WDR43: variants seen among roughly 807,000 people sequenced by gnomAD.
WDR43 encodes WD repeat-containing protein 43.
WDR43 carries 13 observed loss-of-function variants against 91.4 expected under a neutral mutation model. The ratio of observed to expected loss-of-function variants is 0.14; its 90% CI spans 0.09 to 0.23. WDR43 has a LOEUF of 0.23. Ranked by LOEUF, WDR43 falls within the 10% of genes least tolerant of loss-of-function variation. The pLI is 1.00. For missense variants in WDR43, 780 were observed against 809.4 expected (o/e 0.96, Z 0.44); for synonymous variants, 331 against 287.9 (o/e 1.15, Z -1.51).
In WDR43 at chr2:28,894,886, C is replaced by T. The variant is rs1468943949; in HGVS notation, c.188C>T (p.Thr63Ile). The T allele has an allele frequency of 2.5e-6, 4 of 1,604,726 alleles. No individual in the cohort carries two copies. The highest frequency in any genetic ancestry group is 1.1e-5 in the South Asian group (1 of 89,592). Reference sequence around the variant, plus strand: ...TCCGCGCACCTCAGTGGTACCTGCACCTGTCTGGCCTGGGCGCCAGCGCGG... The same window carrying T: ...TCCGCGCACCTCAGTGGTACCTGCATCTGTCTGGCCTGGGCGCCAGCGCGG... ...VPSAHLSGTC[T>I]CLAWAPARLQ... Residue 63 changes from threonine (T) to isoleucine (I), a missense_variant, in exon 1 of 18, where the codon ACC becomes ATC. Thr to Ile is a moderately conservative substitution (Grantham distance 89). Around this residue, in one of 4 missense-constraint regions of WDR43, gnomAD observed 175 missense variants for 113.8 expected, o/e 1.54. Transcript: ENST00000407426.
chr2:28,897,958 A>G (rs1056262779), intron 1 of WDR43, among the ~76,000 whole-genome samples: 2 of 152,226 alleles, frequency 1.3e-5, no homozygotes, highest in East Asian at 3.8e-4. Flanking sequence ...GCAAAAATAC[A>G]AATGGAGGGA....
intron 11 of WDR43, among the ~76,000 whole-genome samples, chr2:28,931,345 C>G (rs1438038768): frequency 6.6e-6 from 1 of 152,240 alleles, no homozygotes; most frequent in East Asian, 1.9e-4. Context: ...CTCCCAAAGT[C>G]CTGGGATTAC....
intron 8 of WDR43, 54 bp from the exon 9 acceptor site, chr2:28,926,414 C>A: frequency 2.3e-6 from 3 of 1,331,712 alleles, no homozygotes; most frequent in South Asian, 1.5e-5. Context: ...TTGTTTGACA[C>A]TCTTTTTTTT....
chr2:28,902,683 A>C (rs4666126), intron 2 of WDR43, among the ~76,000 whole-genome samples: 1 of 152,078 alleles, frequency 6.6e-6, no homozygotes, highest in Non-Finnish European at 1.5e-5. Flanking sequence ...GGGTGATGCA[A>C]ATAAAGAGAC....
chr2:28,914,678 C>G (rs1162642284), intron 5 of WDR43, among the ~76,000 whole-genome samples: 1 of 152,180 alleles, frequency 6.6e-6, no homozygotes, highest in East Asian at 1.9e-4. Context: ...TGCCTGTCAT[C>G]CCAGCACTTT....
At chr2:28,935,799 A>G (rs1671327896) in intron 12 of WDR43, 192 bp downstream of exon 12, 1 of 387,380 alleles carries the variant, frequency 2.6e-6, no homozygotes, top group African/African-American at 2.1e-5. Flanking sequence ...AATGAAAGGA[A>G]ATGTCATTGG....
intron 14 of WDR43, 89 bp from the exon 15 acceptor site, chr2:28,941,372 G>A: frequency 1.0e-6 from 1 of 961,896 alleles, no homozygotes; most frequent in Non-Finnish European, 1.6e-6. Context: ...GTGGTGCAGT[G>A]GCTAAATACT....
intron 5 of WDR43, among the ~76,000 whole-genome samples, 185 bp from the exon 6 acceptor site, chr2:28,917,708 A>G (rs754895292): frequency 6.6e-6 from 1 of 152,182 alleles, no homozygotes. Context: ...TCAAGCAACC[A>G]TGTTATATGG....
intron 3 of WDR43, among the ~76,000 whole-genome samples, chr2:28,908,666 A>T (rs532166568): frequency 6.6e-6 from 1 of 152,212 alleles, no homozygotes. Context: ...CCTCTCATAC[A>T]CTAAACTGTG....
chr2:28,913,357 G>C (rs954190253), intron 4 of WDR43, among the ~76,000 whole-genome samples: 1 of 152,018 alleles, frequency 6.6e-6, no homozygotes, highest in Non-Finnish European at 1.5e-5. Context: ...TTGACACAGG[G>C]TCTCTCTCTG....
At chr2:28,937,903 A>G (rs1373113331) in intron 13 of WDR43, 28 bp from the exon 14 acceptor site, 3 of 1,610,166 alleles carry the variant, frequency 1.9e-6, no homozygotes, top group Non-Finnish European at 1.7e-6. Context: ...ATTTGTGAAC[A>G]TTAGTTTACT....
intron 2 of WDR43, among the ~76,000 whole-genome samples, chr2:28,905,867 A>T (rs1383822291): frequency 6.6e-6 from 1 of 151,890 alleles, no homozygotes; most frequent in East Asian, 1.9e-4. Flanking sequence ...GAGTTTTGCC[A>T]TGTTGGTCAG....
chr2:28,910,133 A>G (rs1417086034), intron 3 of WDR43, among the ~76,000 whole-genome samples: 1 of 152,200 alleles, frequency 6.6e-6, no homozygotes, highest in Admixed American at 6.5e-5. Flanking sequence ...AATTCTCACA[A>G]GTTCCCAGAT....
chr2:28,913,864 AG>A, intron 4 of WDR43: 1 of 696,060 alleles, frequency 1.4e-6, no homozygotes, highest in Non-Finnish European at 2.5e-6. Flanking sequence ...CTAAATTTTC[AG>A]TATTTTCAGA....
chr2:28,924,885 G>A, intron 7 of WDR43, 97 bp from the exon 8 acceptor site: 10 of 1,446,130 alleles, frequency 6.9e-6, no homozygotes, highest in African/African-American at 1.4e-5. Flanking sequence ...ATAGAGGCTA[G>A]AGGGGGGTCA....
At chr2:28,925,265 T>TA in intron 8 of WDR43, 112 bp downstream of exon 8, 1 of 1,094,498 alleles carries the variant, frequency 9.1e-7, no homozygotes, top group Non-Finnish European at 1.2e-6. Context: ...TATTCTTTTT[T>TA]AATTAAAGGA....
intron 6 of WDR43, among the ~76,000 whole-genome samples, chr2:28,919,613 G>A (rs1290153830): frequency 1.3e-5 from 2 of 151,658 alleles, no homozygotes; most frequent in East Asian, 3.9e-4. Context: ...CCGAGATAGT[G>A]CCACTGCACT....
At chr2:28,913,783 T>G (rs750344886) in intron 4 of WDR43, 42 of 597,628 alleles carry the variant, frequency 7.0e-5, no homozygotes, top group Non-Finnish European at 1.2e-4. Flanking sequence ...TAGAATTAAG[T>G]GAATCTTTAA....
intron 1 of WDR43, 70 bp from the exon 2 acceptor site, chr2:28,901,917 G>T (rs1359291125): frequency 7.0e-7 from 1 of 1,435,564 alleles, no homozygotes; most frequent in Non-Finnish European, 9.3e-7. Context: ...GTGGGCATTT[G>T]TATTTGTTCA....
Sources: gnomAD v4.1 joint callset for allele counts (sites outside exome capture counted in the v4.1 genomes callset) on GRCh38, gnomAD v4.1.1 for gene constraint, gnomAD v4.1.1 regional missense constraint, MANE v1.5 for transcripts, NCBI Gene and HGNC (gene_info 2026-07-23, HGNC 2026-07-21) for gene names.